SNTG1: variants seen among roughly 807,000 people sequenced by gnomAD.
The protein encoded by SNTG1 is syntrophin gamma 1, also known as gamma-1-syntrophin.
SNTG1 carries 39 observed loss-of-function variants against 74.7 expected under a neutral mutation model. The ratio of observed to expected loss-of-function variants is 0.52; its 90% confidence interval spans 0.40 to 0.68. The LOEUF (loss-of-function observed/expected upper bound fraction) is 0.68. Ranked by LOEUF, SNTG1 falls within the 30% of genes least tolerant of loss-of-function variation. The pLI, the probability that SNTG1 is intolerant of heterozygous loss-of-function variation, is 0.00. For missense variants in SNTG1, 685 were observed against 609.5 expected (o/e 1.12, Z -1.30); for synonymous variants, 254 against 217.1 (o/e 1.17, Z -1.49).
intron 1 of SNTG1, among the ~76,000 whole-genome samples, chr8:49,975,767 A>ATGTGTGTG (rs139364682): frequency 0.01 from 1,522 of 146,986 alleles, 25 homozygotes; most frequent in African/African-American, 0.035. Context: ...ATATATATAT[A>ATGTGTGTG]TATGTGTGTG....
chr8:50,173,858 A>G (rs2082896193), intron 2 of SNTG1, among the ~76,000 whole-genome samples: 1 of 152,212 alleles, frequency 6.6e-6, no homozygotes, highest in East Asian at 1.9e-4. Flanking sequence ...TCTGGGATAC[A>G]TGTGCAGAAC....
chr8:50,179,204 C>T (rs540293379), intron 2 of SNTG1, among the ~76,000 whole-genome samples: 3 of 152,244 alleles, frequency 2.0e-5, no homozygotes, highest in Non-Finnish European at 4.4e-5. Flanking sequence ...GTTCTTACTA[C>T]TGTAGCTTTG....
At chr8:50,654,656 A>G (rs999080283) in intron 13 of SNTG1, among the ~76,000 whole-genome samples, 1 of 152,166 alleles carries the variant, frequency 6.6e-6, no homozygotes, top group Non-Finnish European at 1.5e-5. Flanking sequence ...TCCAAGAAAC[A>G]AGTCTTATGA....
rs1416030330 is a variant in SNTG1 at position 50,136,152 on chromosome 8, C to A, written c.-102-36409C>A. Among the ~76,000 whole-genome samples, 4 of 152,098 alleles carry A rather than the reference C, an allele frequency of 2.6e-5. 1 individual carries two copies. The highest frequency in any genetic ancestry group is 2.0e-4 in the Admixed American group (3 of 15,260). On this transcript the variant is annotated intron_variant, in intron 1 of 18. Coordinates refer to ENST00000642720, the MANE Select transcript of SNTG1 (RefSeq NM_018967.5). ...ACCACATTTTCTTTAACAAGACCAACTATTCATGGATATTTAGGTTGATTT... is the reference window on the plus strand; with the variant it reads ...ACCACATTTTCTTTAACAAGACCAAATATTCATGGATATTTAGGTTGATTT...
chr8:50,267,789 T>C (rs149471843), intron 2 of SNTG1, among the ~76,000 whole-genome samples: 48 of 152,246 alleles, frequency 3.2e-4, no homozygotes, highest in African/African-American at 1.1e-3. Flanking sequence ...AATTTAAGAA[T>C]TAATGAGAAC....
At chr8:49,932,106 T>G (rs541691162) in intron 1 of SNTG1, among the ~76,000 whole-genome samples, 1 of 152,284 alleles carries the variant, frequency 6.6e-6, no homozygotes, top group African/African-American at 2.4e-5. Context: ...CCCTTCCCCA[T>G]TTCATGAAGC....
chr8:50,625,829 CA>C (rs1222240809), intron 13 of SNTG1, among the ~76,000 whole-genome samples: 1 of 152,088 alleles, frequency 6.6e-6, no homozygotes, highest in Admixed American at 6.5e-5. Flanking sequence ...TTAAAAATGA[CA>C]AGAGTTTTCT....
intron 1 of SNTG1, among the ~76,000 whole-genome samples, chr8:49,993,058 C>T (rs1021065845): frequency 1.3e-5 from 2 of 152,034 alleles, no homozygotes; most frequent in Non-Finnish European, 2.9e-5. Flanking sequence ...AAACACTAGT[C>T]ATTGCATGCA....
At chr8:50,329,494 G>A (rs568036862) in intron 2 of SNTG1, among the ~76,000 whole-genome samples, 24 of 152,108 alleles carry the variant, frequency 1.6e-4, no homozygotes, top group East Asian at 3.9e-4. Flanking sequence ...AAAACACCAC[G>A]TAGAAGCTTC....
chr8:50,183,163 T>C (rs2083267563), intron 2 of SNTG1, among the ~76,000 whole-genome samples: 1 of 152,200 alleles, frequency 6.6e-6, no homozygotes, highest in Admixed American at 6.5e-5. Context: ...AATGCATTGC[T>C]TATTTTCATA....
At chr8:50,350,352 G>A (rs1004633526) in intron 2 of SNTG1, among the ~76,000 whole-genome samples, 21 of 152,192 alleles carry the variant, frequency 1.4e-4, no homozygotes, top group Non-Finnish European at 2.9e-4. Flanking sequence ...GCCCTGGTGC[G>A]GGATCCACTG....
rs564467954 is a variant in SNTG1 at position 49,921,002 on chromosome 8, T to C, written c.-103+8771T>C. 4.6e-5 allele frequency among the ~76,000 whole-genome samples: 7 copies of C among 152,170 alleles called. No homozygotes were observed. The East Asian group carries it at 7.7e-4, about 17-fold the overall frequency. On this transcript the variant is annotated intron_variant, in intron 1 of 18. Coordinates refer to ENST00000642720, the MANE Select transcript of SNTG1 (RefSeq NM_018967.5). ...GGAAGGAAAGATGTGATATCTGACATGGGACATGTCAAATGGATAATGAGA... is the reference window on the plus strand; with the variant it reads ...GGAAGGAAAGATGTGATATCTGACACGGGACATGTCAAATGGATAATGAGA...
At chr8:50,415,575 T>A (rs939811112) in intron 4 of SNTG1, among the ~76,000 whole-genome samples, 6 of 152,108 alleles carry the variant, frequency 3.9e-5, no homozygotes, top group African/African-American at 1.2e-4. Flanking sequence ...GTTGTTTTAG[T>A]AGCACAAGTA....
At chr8:50,687,066 C>T (rs1418696597) in intron 15 of SNTG1, among the ~76,000 whole-genome samples, 3 of 150,174 alleles carry the variant, frequency 2.0e-5, no homozygotes, top group South Asian at 4.2e-4. Flanking sequence ...ACCCGGGAAG[C>T]GGAGCTTGCA....
At chr8:50,301,583 C>G (rs906889213) in intron 2 of SNTG1, among the ~76,000 whole-genome samples, 1 of 152,034 alleles carries the variant, frequency 6.6e-6, no homozygotes, top group Admixed American at 6.6e-5. Context: ...TTCTCAGGAA[C>G]ATTGATTACT....
intron 17 of SNTG1, among the ~76,000 whole-genome samples, chr8:50,743,167 C>T (rs1354911306): frequency 6.6e-6 from 1 of 151,038 alleles, no homozygotes; most frequent in African/African-American, 2.4e-5. Context: ...CCAACATTAC[C>T]TTGACACCAA....
At chr8:50,322,949 C>A (rs573163659) in intron 2 of SNTG1, among the ~76,000 whole-genome samples, 6 of 151,752 alleles carry the variant, frequency 4.0e-5, no homozygotes, top group Non-Finnish European at 7.4e-5. Flanking sequence ...AATCCCATCT[C>A]TACTTAAAAT....
rs926750572 is a variant in SNTG1, at chr8:50,793,425, C to T, written c.*596C>T. 3.3e-5 allele frequency: 5 copies of T among 151,796 alleles called. No individual in the cohort carries two copies. Among genetic ancestry groups the T allele is most frequent in the African/African-American group, 1.2e-4 (5 of 41,392 alleles). 9.4% of individuals were successfully genotyped at this position (151,796 alleles called of 1,614,324 possible). ...TGTTTTTATCTTATTGTAAATATTC[C>T]GAAGAACTTCCAAAGGATAATTACA... On this transcript the variant is annotated 3_prime_UTR_variant, in exon 19 of 19. Coordinates refer to ENST00000642720, the MANE Select transcript of SNTG1 (RefSeq NM_018967.5).
At chr8:50,688,340 G>A (rs144344037) in intron 15 of SNTG1, among the ~76,000 whole-genome samples, 30,964 of 152,054 alleles carry the variant, frequency 0.2, 3,260 homozygotes, top group South Asian at 0.31. Flanking sequence ...CCATGCCTAT[G>A]TCCTGAATGG....
Sources: gnomAD v4.1 joint callset for allele counts (sites outside exome capture counted in the v4.1 genomes callset) on GRCh38, gnomAD v4.1.1 for gene constraint, MANE v1.5 for transcripts, NCBI Gene and HGNC (gene_info 2026-07-23, HGNC 2026-07-21) for gene names.